The following OTOGL variants were observed in gnomAD, a reference collection of about 807,000 sequenced individuals.
The protein encoded by OTOGL is otogelin like.
In OTOGL, 285 loss-of-function variants were observed where a neutral mutation model predicts 318.5. That is an observed-to-expected ratio of 0.89 (90% CI 0.81 to 0.99). OTOGL has a LOEUF of 0.99. OTOGL is among the 50% of genes least tolerant of loss of function. The pLI is 0.00. For synonymous variants in OTOGL, 987 were observed against 936.5 expected, an observed-to-expected ratio of 1.05 and a Z score of -0.99; for missense variants, 2,899 against 2,845.6, an observed-to-expected ratio of 1.02 and a Z score of -0.43.
intron 1 of OTOGL, among the ~76,000 whole-genome samples, chr12:80,190,786 CAAAAAAAAAAAAAAA>C (rs55950528): frequency 2.7e-5 from 2 of 73,674 alleles, no homozygotes; most frequent in African/African-American, 7.9e-5. Flanking sequence ...GACTCCGTCT[CAAAAAAAAAAAAAAA>C]AAAAAAAAAA....
At chr12:80,253,811 T>C (rs1017319855) in intron 14 of OTOGL, among the ~76,000 whole-genome samples, 1 of 152,120 alleles carries the variant, frequency 6.6e-6, no homozygotes, top group African/African-American at 2.4e-5. Context: ...AATGAGTCTG[T>C]TGCATTTTCT....
chr12:80,220,141 C>G (rs1878164274), intron 6 of OTOGL, among the ~76,000 whole-genome samples: 1 of 151,892 alleles, frequency 6.6e-6, no homozygotes, highest in Non-Finnish European at 1.5e-5. Context: ...TTTCTACTTT[C>G]TATAGTAATA....
intron 13 of OTOGL, among the ~76,000 whole-genome samples, chr12:80,253,108 A>C (rs1881718318): frequency 6.6e-6 from 1 of 152,134 alleles, no homozygotes; most frequent in South Asian, 2.1e-4. Context: ...GACAGTGTAA[A>C]TCTTTCTCAT....
chr12:80,132,817 T>C (rs1871322366), intron 1 of OTOGL: 1 of 152,188 alleles, frequency 6.6e-6, no homozygotes. Flanking sequence ...ACGAAGATTC[T>C]CTGCCCTGTT....
Position 80,271,630 on chromosome 12 carries a change from CTG to C in OTOGL, c.2519-15_2519-14del. 1 of 1,607,664 alleles carries C rather than the reference CTG, an allele frequency of 6.2e-7. No homozygotes were observed. The highest frequency in any genetic ancestry group is 8.5e-7 in the Non-Finnish European group (1 of 1,176,660). The stretch of plus-strand genomic sequence containing the variant: ...TGACAAAAAGTTAAGGACATTTTGT[CTG>C]TGCTTATATCTGAAGTTCACATCTG... On this transcript the variant is annotated splice_polypyrimidine_tract_variant and intron_variant, in intron 23 of 58. Transcript: ENST00000547103.
At chr12:80,164,448 T>C (rs1873712335) in intron 1 of OTOGL, among the ~76,000 whole-genome samples, 1 of 152,218 alleles carries the variant, frequency 6.6e-6, no homozygotes, top group Non-Finnish European at 1.5e-5. Flanking sequence ...AAATGTTCTA[T>C]TTCTTCTTGT....
chr12:80,210,354 T>C (rs1877153607), intron 2 of OTOGL, among the ~76,000 whole-genome samples: 1 of 152,128 alleles, frequency 6.6e-6, no homozygotes, highest in Non-Finnish European at 1.5e-5. Context: ...CTTTGGAGCT[T>C]GTAGGGGAAA....
At chr12:80,337,563 G>T (rs1425571469) in intron 42 of OTOGL, among the ~76,000 whole-genome samples, 1 of 151,930 alleles carries the variant, frequency 6.6e-6, no homozygotes, top group Non-Finnish European at 1.5e-5. Context: ...AAAAATGAAA[G>T]GAGCCTTTTG....
At position 80,140,395 on chromosome 12, in the gene OTOGL, T is replaced by G. The variant is rs183927079; in HGVS notation, c.-20+40790T>G. On this transcript the variant is annotated intron_variant, in intron 1 of 58. Coordinates refer to ENST00000547103, the MANE Select transcript of OTOGL (RefSeq NM_001378609.3). ...CAGATTGCTTTTGATGTCTGCTTTGTTAACTATTTGTGTTCAGCTTTGTCA... is the reference window on the plus strand; with the variant it reads ...CAGATTGCTTTTGATGTCTGCTTTGGTAACTATTTGTGTTCAGCTTTGTCA... 1.1e-3 allele frequency among the ~76,000 whole-genome samples: 160 copies of G among 152,358 alleles called. 1 individual carries two copies. The highest frequency in any genetic ancestry group is 3.6e-3 in the African/African-American group (149 of 41,594).
At chr12:80,117,152 G>A (rs1468009791) in intron 1 of OTOGL, among the ~76,000 whole-genome samples, 1 of 151,970 alleles carries the variant, frequency 6.6e-6, no homozygotes, top group African/African-American at 2.4e-5. Context: ...GGAGTATCAG[G>A]GGTGTCATGT....
chr12:80,309,738 T>G (rs1347847625), intron 29 of OTOGL, among the ~76,000 whole-genome samples: 3 of 152,064 alleles, frequency 2.0e-5, no homozygotes, highest in Non-Finnish European at 2.9e-5. Context: ...AGGAAATGAA[T>G]GTGGATAGTC....
At chr12:80,134,969 C>T (rs1353623155) in intron 1 of OTOGL, among the ~76,000 whole-genome samples, 1 of 152,196 alleles carries the variant, frequency 6.6e-6, no homozygotes, top group African/African-American at 2.4e-5. Flanking sequence ...GTCTTCTAAT[C>T]TCTGAATGTT....
intron 26 of OTOGL, among the ~76,000 whole-genome samples, chr12:80,292,604 G>C (rs1381513685): frequency 6.6e-6 from 1 of 152,190 alleles, no homozygotes; most frequent in African/African-American, 2.4e-5. Flanking sequence ...AGTGCTTTTT[G>C]AGAAGAATAA....
At position 80,270,034 on chromosome 12, in the gene OTOGL, C is replaced by T. The variant is rs1401270478; in HGVS notation, c.2466-68C>T. The T allele has an allele frequency of 6.1e-5, 72 of 1,174,956 alleles. 1 individual carries two copies. The highest frequency in any genetic ancestry group is 1.8e-4 in the Admixed American group (6 of 34,238). The allele number at this position is 1,174,956 out of a possible 1,614,324, so 72.8% of individuals were successfully genotyped here. A position where few individuals can be genotyped will look rare whatever the true frequency, so the allele number is the denominator to read the frequency against. Reference sequence around the variant, plus strand: ...CAATTCTTGTACGTTAGATTGTTGTCGAAATTCAGGGAAAAAAAAAAAAAC... The same window carrying T: ...CAATTCTTGTACGTTAGATTGTTGTTGAAATTCAGGGAAAAAAAAAAAAAC... On this transcript the variant is annotated intron_variant, in intron 22 of 58. Coordinates refer to ENST00000547103, the MANE Select transcript of OTOGL (RefSeq NM_001378609.3).
intron 55 of OTOGL, 84 bp downstream of exon 55, chr12:80,368,393 C>A (rs949225575): frequency 1.1e-5 from 9 of 812,844 alleles, no homozygotes; most frequent in East Asian, 5.5e-5. Context: ...TCCCCCCCCA[C>A]ACACACTGCA....
chr12:80,191,742 G>GGGGATCAGCAAGCGTAAGGCAGTCCT (rs1875711326), intron 1 of OTOGL, among the ~76,000 whole-genome samples: 1 of 152,158 alleles, frequency 6.6e-6, no homozygotes, highest in African/African-American at 2.4e-5. Flanking sequence ...AATGATGGCT[G>GGGGATCAGCAAGCGTAAGGCAGTCCT]GGGATCAGCA....
At chr12:80,190,553 T>C (rs7975719) in intron 1 of OTOGL, among the ~76,000 whole-genome samples, 139,324 of 151,736 alleles carry the variant, frequency 0.92, 64,019 homozygotes, top group East Asian at 1. Flanking sequence ...TTTGGGAGGC[T>C]GAGGCGGGTG....
intron 24 of OTOGL, among the ~76,000 whole-genome samples, chr12:80,272,846 A>G (rs193067214): frequency 5.1e-4 from 77 of 152,232 alleles, no homozygotes; most frequent in East Asian, 2.3e-3. Flanking sequence ...ACAAAAGAAC[A>G]AGTGCCTGTG....
At chr12:80,207,081 TAAC>T (rs1036917862) in intron 1 of OTOGL, among the ~76,000 whole-genome samples, 4 of 134,914 alleles carry the variant, frequency 3.0e-5, no homozygotes, top group Admixed American at 7.2e-5. Context: ...TGCTGCTTAC[TAAC>T]TTTTTTTACC....
Sources: allele counts gnomAD v4.1 joint callset (sites outside exome capture counted in the v4.1 genomes callset), GRCh38; gene constraint gnomAD v4.1.1; transcripts MANE v1.5; gene names NCBI Gene and HGNC (gene_info 2026-07-23, HGNC 2026-07-21).